The following SLC12A6 variants were observed in gnomAD, a reference collection of about 807,000 sequenced individuals.
SLC12A6 encodes the protein K-Cl cotransporter 3.
In SLC12A6, 66 loss-of-function variants were observed where a neutral mutation model predicts 135.3. The observed-to-expected ratio is 0.49, with a 90% confidence interval of 0.40 to 0.60. The LOEUF (loss-of-function observed/expected upper bound fraction) is 0.60. Ranked by LOEUF, SLC12A6 falls within the 20% of genes least tolerant of loss-of-function variation. The pLI is 0.00. For synonymous variants in SLC12A6, 513 were observed against 508.8 expected (o/e 1.01, Z -0.11); for missense variants, 1,058 against 1,452.3 (o/e 0.73, Z 4.41).
At chr15:34,235,921 A>G in intron 24 of SLC12A6, 94 bp downstream of exon 24, 3 of 973,110 alleles carry the variant, frequency 3.1e-6, no homozygotes, top group Non-Finnish European at 5.0e-6. Flanking sequence ...TTCAGGGTGA[A>G]ATGAACAGAC....
At position 34,288,621 on chromosome 15, in the gene SLC12A6, G is replaced by GA. The variant is rs1895290915; in HGVS notation, c.272-13233dup. Among the ~76,000 whole-genome samples the GA allele has an allele frequency of 1.3e-5, 2 of 152,184 alleles. 1 individual carries two copies. Among genetic ancestry groups the GA allele is most frequent in the South Asian group, 4.1e-4 (2 of 4,832 alleles). On this transcript the variant is annotated intron_variant, in intron 2 of 25. Transcript: ENST00000354181. ...TTGATTCTTCCTACCCATGAGCATAGAATGTTTTTCCATTTGATTGTGTCC... is the reference window on the plus strand; with the variant it reads ...TTGATTCTTCCTACCCATGAGCATAGAAATGTTTTTCCATTTGATTGTGTCC...
intron 2 of SLC12A6, among the ~76,000 whole-genome samples, chr15:34,283,380 T>TC (rs1894814687): frequency 2.0e-5 from 3 of 151,706 alleles, no homozygotes; most frequent in African/African-American, 7.3e-5. Flanking sequence ...AGATAATTAA[T>TC]AAGATAATTT....
At chr15:34,262,717 T>A (rs530260461) in intron 3 of SLC12A6, among the ~76,000 whole-genome samples, 2 of 152,308 alleles carry the variant, frequency 1.3e-5, no homozygotes, top group South Asian at 4.1e-4. Context: ...GGCGCCACCA[T>A]GTTCCCCTCA....
At chr15:34,285,704 GTGTGTGTGTT>G (rs1895007680) in intron 2 of SLC12A6, among the ~76,000 whole-genome samples, 1 of 628 alleles carries the variant, frequency 1.6e-3, no homozygotes, top group South Asian at 0.062. Context: ...GTGTGTGTGT[GTGTGTGTGTT>G]TGTCATACAT....
intron 2 of SLC12A6, among the ~76,000 whole-genome samples, chr15:34,325,018 A>C (rs1321510783): frequency 6.6e-6 from 1 of 152,214 alleles, no homozygotes; most frequent in Non-Finnish European, 1.5e-5. Flanking sequence ...ACTGCTATGC[A>C]AGTTTCTAAA....
intron 3 of SLC12A6, among the ~76,000 whole-genome samples, chr15:34,267,779 A>T (rs939115770): frequency 4.5e-4 from 68 of 152,166 alleles, no homozygotes; most frequent in African/African-American, 1.6e-3. Context: ...TCCTTTGATG[A>T]ACTGTCCTTT....
chr15:34,238,526 G>T, intron 20 of SLC12A6, 125 bp from the exon 21 acceptor site: 1 of 752,900 alleles, frequency 1.3e-6, no homozygotes, highest in Non-Finnish European at 2.3e-6. Context: ...TACTTAGTAG[G>T]TTATTTCTCA....
intron 2 of SLC12A6, among the ~76,000 whole-genome samples, chr15:34,319,976 T>C (rs867490595): frequency 6.6e-6 from 1 of 152,184 alleles, no homozygotes; most frequent in Admixed American, 6.5e-5. Flanking sequence ...ATATAATTTA[T>C]CAGACAACTG....
At chr15:34,319,431 C>A (rs147396345) in intron 2 of SLC12A6, among the ~76,000 whole-genome samples, 1 of 152,070 alleles carries the variant, frequency 6.6e-6, no homozygotes, top group Non-Finnish European at 1.5e-5. Flanking sequence ...GCGTGAGCCA[C>A]CGTGCCCAGC....
chr15:34,272,039 G>A (rs983154379), intron 3 of SLC12A6, among the ~76,000 whole-genome samples: 3 of 151,762 alleles, frequency 2.0e-5, no homozygotes, highest in Non-Finnish European at 4.4e-5. Context: ...GCAGTGGTGC[G>A]ATCTTGGCTC....
intron 3 of SLC12A6, among the ~76,000 whole-genome samples, chr15:34,272,834 C>T (rs1319943149): frequency 6.6e-6 from 1 of 152,142 alleles, no homozygotes; most frequent in East Asian, 1.9e-4. Context: ...GCTAAGCTGC[C>T]TCCATTGTAC....
intron 2 of SLC12A6, among the ~76,000 whole-genome samples, chr15:34,297,698 G>T (rs558816119): frequency 6.6e-6 from 1 of 152,236 alleles, no homozygotes; most frequent in East Asian, 1.9e-4. Flanking sequence ...ATCATGGAGG[G>T]CTCAAAATCA....
chr15:34,273,882 G>GT (rs879337737), intron 3 of SLC12A6, among the ~76,000 whole-genome samples: 4,190 of 146,066 alleles, frequency 0.029, 84 homozygotes, highest in East Asian at 0.063. Context: ...AATAATACCT[G>GT]TTTTTTTTTT....
rs556482302 is a variant in SLC12A6, at chr15:34,250,327, T to C, written c.1620A>G (p.Ala540=). The change falls in exon 13 of 26, where the codon GCA becomes GCG. Residue 540 remains alanine, a synonymous_variant. Transcript: ENST00000354181. ...CTCTGAGAACAACCCCTTCAATACA[T>C]GCACCAAAAAGGACAACATTGCTTA... ...VYLSNVVLFG[A]CIEGVVLRDK... 10 of 1,594,710 alleles carry C rather than the reference T, an allele frequency of 6.3e-6. No individual in the cohort carries two copies. The African/African-American group carries it at 6.7e-5, about 11-fold the overall frequency.
Position 34,241,204 on chromosome 15 carries a change from CCAAATACTGCTAGT to C in SLC12A6, c.2267+15_2267+28del. 1 of 1,127,036 alleles carries C rather than the reference CCAAATACTGCTAGT, an allele frequency of 8.9e-7. No individual in the cohort carries two copies. The highest frequency in any genetic ancestry group is 1.4e-6 in the Non-Finnish European group (1 of 735,342). The allele number at this position is 1,127,036 out of a possible 1,614,324, so 69.8% of individuals were successfully genotyped here. On this transcript the variant is annotated intron_variant, in intron 18 of 25. Coordinates refer to ENST00000354181, the MANE Select transcript of SLC12A6 (RefSeq NM_001365088.1). ...CATATTTTTGTGTGTTAACCATGTG[CCAAATACTGCTAGT>C]GTTGATTTCTTTACCTCCAGTTTTT...
At chr15:34,329,275 G>A (rs1420503705) in intron 2 of SLC12A6, among the ~76,000 whole-genome samples, 1 of 152,158 alleles carries the variant, frequency 6.6e-6, no homozygotes, top group African/African-American at 2.4e-5. Context: ...TGCCTTTTTA[G>A]AATTTGCACA....
intron 2 of SLC12A6, among the ~76,000 whole-genome samples, chr15:34,297,631 G>A (rs931894423): frequency 3.9e-5 from 6 of 152,168 alleles, no homozygotes; most frequent in African/African-American, 1.4e-4. Context: ...ACAGGGAGAC[G>A]TGCAACATTG....
At position 34,229,838 on chromosome 15, in the gene SLC12A6, C is replaced by G; in HGVS notation, c.*4043G>C. 1 of 1,594,520 alleles carries G rather than the reference C, an allele frequency of 6.3e-7. No individual in the cohort carries two copies. Among genetic ancestry groups the G allele is most frequent in the Non-Finnish European group, 8.6e-7 (1 of 1,162,182 alleles). ...CTATGTATTTGGGTCTTATTTACAT[C>G]CTTCTTTAAGCCCAGTGGCTCCTCA... On this transcript the variant is annotated 3_prime_UTR_variant, in exon 26 of 26. Coordinates refer to ENST00000354181, the MANE Select transcript of SLC12A6 (RefSeq NM_001365088.1).
chr15:34,266,652 G>A (rs927092803), intron 3 of SLC12A6, among the ~76,000 whole-genome samples: 1 of 152,052 alleles, frequency 6.6e-6, no homozygotes. Context: ...ATGTTGCCTC[G>A]TATTCCTAGA....
Sources: allele counts gnomAD v4.1 joint callset (sites outside exome capture counted in the v4.1 genomes callset), GRCh38; gene constraint gnomAD v4.1.1; transcripts MANE v1.5; gene names NCBI Gene and HGNC (gene_info 2026-07-23, HGNC 2026-07-21).